Variants in NALCN observed in about 807,000 individuals in gnomAD.
NALCN encodes the protein sodium leak channel NALCN.
In NALCN, 111 loss-of-function variants were observed where a neutral mutation model predicts 225.3. The ratio of observed to expected loss-of-function variants is 0.49; its 90% confidence interval spans 0.42 to 0.58. The LOEUF (loss-of-function observed/expected upper bound fraction) is 0.58, where lower values mean the gene tolerates loss of function less well. Ranked by LOEUF, NALCN falls within the 20% of genes least tolerant of loss-of-function variation. The probability of loss-of-function intolerance (pLI) is 0.00; values close to 1 mark genes in which losing one functional copy is unlikely to be tolerated. For synonymous variants in NALCN, 764 were observed against 769.0 expected, an observed-to-expected ratio of 0.99 and a Z score of 0.11; for missense variants, 1,378 against 2,202.4, an observed-to-expected ratio of 0.63 and a Z score of 7.49.
intron 7 of NALCN, among the ~76,000 whole-genome samples, chr13:101,320,344 T>C (rs900444043): frequency 6.6e-6 from 1 of 152,228 alleles, no homozygotes; most frequent in Non-Finnish European, 1.5e-5. Context: ...GTTGTCATTT[T>C]AAGCTGGATT....
chr13:101,195,864 C>A (rs1347121629), intron 13 of NALCN, among the ~76,000 whole-genome samples: 1 of 152,190 alleles, frequency 6.6e-6, no homozygotes, highest in East Asian at 1.9e-4. Context: ...TCTCTGCTTT[C>A]ATTTTCCATC....
At chr13:101,087,845 C>T (rs111982074) in intron 30 of NALCN, among the ~76,000 whole-genome samples, 6 of 152,138 alleles carry the variant, frequency 3.9e-5, no homozygotes, top group Admixed American at 6.5e-5. Flanking sequence ...AGCTGTGATA[C>T]ATTCTAATCT....
At chr13:101,128,867 G>C (rs981076094) in intron 17 of NALCN, among the ~76,000 whole-genome samples, 19 of 152,068 alleles carry the variant, frequency 1.2e-4, no homozygotes, top group Admixed American at 1.1e-3. Flanking sequence ...CCAGCCAAGA[G>C]AGAGTCTGGA....
chr13:101,268,821 C>A (rs962369580), intron 10 of NALCN, among the ~76,000 whole-genome samples: 1 of 152,172 alleles, frequency 6.6e-6, no homozygotes, highest in African/African-American at 2.4e-5. Flanking sequence ...TTTAGGACAA[C>A]ATGTATTTCC....
chr13:101,083,371 C>T (rs960562013), intron 31 of NALCN, among the ~76,000 whole-genome samples, 173 bp from the exon 32 acceptor site: 1 of 152,200 alleles, frequency 6.6e-6, no homozygotes, highest in African/African-American at 2.4e-5. Context: ...TTCAAAACGA[C>T]AGTGCATGAT....
At chr13:101,095,748 A>G in intron 27 of NALCN, 68 bp from the exon 28 acceptor site, 2 of 1,295,168 alleles carry the variant, frequency 1.5e-6, no homozygotes, top group Non-Finnish European at 2.2e-6. Context: ...GATAAAGGAT[A>G]GGAAACTCTT....
chr13:101,408,514 C>T (rs2047686077), intron 1 of NALCN, among the ~76,000 whole-genome samples: 1 of 152,210 alleles, frequency 6.6e-6, no homozygotes, highest in South Asian at 2.1e-4. Flanking sequence ...ACACCCTGGG[C>T]ATCACAGCGG....
intron 6 of NALCN, among the ~76,000 whole-genome samples, chr13:101,365,405 CCATGAAAAAACCTCTTTA>C: frequency 6.6e-6 from 1 of 152,046 alleles, no homozygotes; most frequent in Non-Finnish European, 1.5e-5. Flanking sequence ...GCATAGCATT[CCATGAAAAAACCTCTTTA>C]TTTTGTCAAC....
At chr13:101,083,048 G>T in intron 32 of NALCN, 44 bp downstream of exon 32, 1 of 1,585,906 alleles carries the variant, frequency 6.3e-7, no homozygotes, top group Non-Finnish European at 8.7e-7. Flanking sequence ...ATGTAGCAGT[G>T]AATACAAAAT....
intron 15 of NALCN, among the ~76,000 whole-genome samples, chr13:101,165,297 C>T (rs916191345): frequency 9.9e-5 from 15 of 152,132 alleles, no homozygotes; most frequent in African/African-American, 3.1e-4. Context: ...ACTTCCTTAC[C>T]CGTCATTGAT....
At chr13:101,058,314 T>A in intron 42 of NALCN, 1 of 376,374 alleles carries the variant, frequency 2.7e-6, no homozygotes, top group South Asian at 4.6e-5. Context: ...TTCGTTCCCC[T>A]CCATGCCTGA....
At chr13:101,095,525 T>A in intron 28 of NALCN, 49 bp downstream of exon 28, 1 of 1,457,784 alleles carries the variant, frequency 6.9e-7, no homozygotes, top group Non-Finnish European at 9.5e-7. Context: ...TAAAGCCTTA[T>A]ACTGACAAAC....
chr13:101,327,240 T>C (rs568102341), intron 7 of NALCN, among the ~76,000 whole-genome samples: 1 of 152,184 alleles, frequency 6.6e-6, no homozygotes, highest in African/African-American at 2.4e-5. Flanking sequence ...GATAGCGCTT[T>C]TGCATGTTTA....
intron 30 of NALCN, among the ~76,000 whole-genome samples, chr13:101,085,026 G>C (rs2033862435): frequency 6.6e-6 from 1 of 152,142 alleles, no homozygotes; most frequent in African/African-American, 2.4e-5. Context: ...ATCTAATGTT[G>C]TTTTAATATT....
At chr13:101,264,326 T>C (rs1219640997) in intron 10 of NALCN, among the ~76,000 whole-genome samples, 2 of 152,190 alleles carry the variant, frequency 1.3e-5, no homozygotes, top group African/African-American at 2.4e-5. Flanking sequence ...TTGGTTTACA[T>C]TTTTTAAAAG....
intron 15 of NALCN, among the ~76,000 whole-genome samples, chr13:101,164,610 T>C (rs1178254382): frequency 6.6e-6 from 1 of 152,210 alleles, no homozygotes; most frequent in Non-Finnish European, 1.5e-5. Flanking sequence ...TGTTGATAAT[T>C]GATATTCCCA....
intron 18 of NALCN, among the ~76,000 whole-genome samples, chr13:101,117,895 A>G (rs2035790746): frequency 6.6e-6 from 1 of 152,230 alleles, no homozygotes; most frequent in African/African-American, 2.4e-5. Flanking sequence ...TGGAAACAGT[A>G]AAAAGATCAT....
intron 1 of NALCN, among the ~76,000 whole-genome samples, chr13:101,414,602 A>T (rs1487027182): frequency 1.3e-5 from 2 of 152,222 alleles, no homozygotes; most frequent in African/African-American, 2.4e-5. Context: ...ACCCAAGAAG[A>T]AGAAAATGCT....
Position 101,272,117 on chromosome 13 carries a change from CTG to C in NALCN, c.1134+11814_1134+11815del, listed in dbSNP as rs552775213. On this transcript the variant is annotated intron_variant, in intron 10 of 43. Transcript: ENST00000251127. ...AGTGTGCATGTGTGTGTCTGTGTCACTGTGTGTGTTTGAGGTGTGTGTGCGTG... is the reference window on the plus strand; with the variant it reads ...AGTGTGCATGTGTGTGTCTGTGTCACTGTGTGTTTGAGGTGTGTGTGCGTG... 3.5e-3 allele frequency among the ~76,000 whole-genome samples: 531 copies of C among 151,170 alleles called. 3 individuals carry two copies. Among genetic ancestry groups the C allele is most frequent in the Non-Finnish European group, 5.4e-3 (365 of 67,764 alleles).
Sources: gnomAD v4.1 joint callset for allele counts (sites outside exome capture counted in the v4.1 genomes callset) on GRCh38, gnomAD v4.1.1 for gene constraint, MANE v1.5 for transcripts, NCBI Gene and HGNC (gene_info 2026-07-23, HGNC 2026-07-21) for gene names.